APBA1: variants seen among roughly 807,000 people sequenced by gnomAD.
APBA1 encodes the protein amyloid beta precursor protein binding family A member 1, also known as amyloid-beta A4 precursor protein-binding family A member 1.
Under a neutral mutation model 86.6 loss-of-function variants are expected in APBA1, and 55 were observed. That is an observed-to-expected ratio of 0.64 (90% CI 0.51 to 0.80). The LOEUF is 0.80. Ranked by LOEUF, APBA1 falls within the 30% of genes least tolerant of loss-of-function variation. APBA1 has a pLI of 0.00. For synonymous variants in APBA1, 511 were observed against 493.9 expected (o/e 1.03, Z -0.46); for missense variants, 1,090 against 1,183.0 (o/e 0.92, Z 1.15).
chr9:69,523,875 T>C lies in APBA1; in HGVS notation c.-69-6596A>G, dbSNP rs914811775. On this transcript the variant is annotated intron_variant, in intron 1 of 12. Coordinates refer to ENST00000265381, the MANE Select transcript of APBA1 (RefSeq NM_001163.4). ...TTCAAAAAAATCAAAATTAAAATCA[T>C]ACCAGCCATATTCTTGGATCACAAT... Among the ~76,000 whole-genome samples the C allele has an allele frequency of 7.2e-5, 11 of 152,074 alleles. No individual in the cohort carries two copies. In the South Asian group the frequency reaches 2.3e-3, roughly 32 times the overall value.
intron 2 of APBA1, among the ~76,000 whole-genome samples, chr9:69,488,088 CG>C (rs1274916038): frequency 1.3e-4 from 19 of 151,998 alleles, no homozygotes; most frequent in African/African-American, 4.6e-4. Flanking sequence ...GAGAAACTGG[CG>C]GGGTTGCACT....
rs564579756 is a variant in APBA1, at chr9:69,608,779, T to C, written c.-70+63374A>G. 3.3e-5 allele frequency among the ~76,000 whole-genome samples: 5 copies of C among 152,316 alleles called. No homozygotes were observed. The South Asian group carries it at 1.0e-3, about 32-fold the overall frequency. Reference sequence around the variant, plus strand: ...GAAGTTGGTTTTGGTCACATTCCTATCAAGTACACTTTCCCAACTTTGAGC... The same window carrying C: ...GAAGTTGGTTTTGGTCACATTCCTACCAAGTACACTTTCCCAACTTTGAGC... On this transcript the variant is annotated intron_variant, in intron 1 of 12. Coordinates refer to ENST00000265381, the MANE Select transcript of APBA1 (RefSeq NM_001163.4).
chr9:69,482,281 AAAC>A (rs1391931851), intron 2 of APBA1, among the ~76,000 whole-genome samples: 3 of 151,582 alleles, frequency 2.0e-5, no homozygotes, highest in South Asian at 2.1e-4. Context: ...TACAAGAAAA[AAAC>A]AAACAACCTC....
intron 1 of APBA1, among the ~76,000 whole-genome samples, chr9:69,534,156 A>G (rs1212162664): frequency 6.6e-6 from 1 of 152,222 alleles, no homozygotes; most frequent in African/African-American, 2.4e-5. Context: ...TGAATTTCCA[A>G]TGTTCAGCAT....
chr9:69,653,625 C>A (rs1823551655), intron 1 of APBA1, among the ~76,000 whole-genome samples: 1 of 151,974 alleles, frequency 6.6e-6, no homozygotes. Context: ...CACAATGGAA[C>A]AAAACTAGAA....
At chr9:69,558,590 TA>T (rs1336075175) in intron 1 of APBA1, among the ~76,000 whole-genome samples, 13 of 151,040 alleles carry the variant, frequency 8.6e-5, no homozygotes, top group African/African-American at 2.9e-4. Flanking sequence ...ATACACATTA[TA>T]TGTATAACTT....
chr9:69,442,967 A>G (rs1413582021), intron 10 of APBA1, among the ~76,000 whole-genome samples: 4 of 152,234 alleles, frequency 2.6e-5, no homozygotes, highest in African/African-American at 9.6e-5. Flanking sequence ...CAGAATCTGT[A>G]GCAAGAGTGC....
chr9:69,467,117 G>T (rs781667537), intron 5 of APBA1, among the ~76,000 whole-genome samples: 1 of 152,190 alleles, frequency 6.6e-6, no homozygotes, highest in African/African-American at 2.4e-5. Context: ...TTTTGGTATC[G>T]TGGTGGAGAT....
chr9:69,427,624 C>T lies in APBA1; in HGVS notation c.*3703G>A, dbSNP rs1245980131. On this transcript the variant is annotated 3_prime_UTR_variant, in exon 13 of 13. Coordinates refer to ENST00000265381, the MANE Select transcript of APBA1 (RefSeq NM_001163.4). Reference sequence around the variant, plus strand: ...AGGAAGATAGATAGCACAGTAAATACATCACAACCCCAAACTGGATGACTG... The same window carrying T: ...AGGAAGATAGATAGCACAGTAAATATATCACAACCCCAAACTGGATGACTG... 1.4e-5 allele frequency: 2 copies of T among 147,718 alleles called. No homozygotes were observed. The highest frequency in any genetic ancestry group is 1.5e-5 in the Non-Finnish European group (1 of 66,584). The allele number at this position is 147,718 out of a possible 1,614,324, so 9.2% of individuals were successfully genotyped here. A position where few individuals can be genotyped will look rare whatever the true frequency, so the allele number is the denominator to read the frequency against.
intron 2 of APBA1, among the ~76,000 whole-genome samples, chr9:69,515,448 G>C (rs1836120768): frequency 6.6e-6 from 1 of 151,822 alleles, no homozygotes; most frequent in African/African-American, 2.4e-5. Context: ...TTTCTACTTG[G>C]CTACTCCTCC....
At chr9:69,658,943 C>G (rs1488958994) in intron 1 of APBA1, among the ~76,000 whole-genome samples, 1 of 152,170 alleles carries the variant, frequency 6.6e-6, no homozygotes, top group African/African-American at 2.4e-5. Flanking sequence ...CAGAGCTCCC[C>G]CACCCCACAC....
At chr9:69,558,787 G>C (rs1025773839) in intron 1 of APBA1, among the ~76,000 whole-genome samples, 2 of 151,930 alleles carry the variant, frequency 1.3e-5, no homozygotes, top group African/African-American at 4.8e-5. Context: ...GCATCCATGA[G>C]TTCTCATCAT....
chr9:69,522,943 C>A (rs558499257), intron 1 of APBA1, among the ~76,000 whole-genome samples: 14 of 152,250 alleles, frequency 9.2e-5, no homozygotes, highest in Middle Eastern at 3.4e-3. Flanking sequence ...GGGACACCTG[C>A]AAAACATGAA....
chr9:69,536,730 A>T (rs909916907), intron 1 of APBA1, among the ~76,000 whole-genome samples: 2 of 147,554 alleles, frequency 1.4e-5, no homozygotes, highest in African/African-American at 5.0e-5. Context: ...AAAAAAAAAA[A>T]TTAGACAGGC....
chr9:69,523,517 A>ATATG (rs1454441404), intron 1 of APBA1, among the ~76,000 whole-genome samples: 1 of 60,196 alleles, frequency 1.7e-5, no homozygotes, highest in Non-Finnish European at 4.0e-5. Context: ...ATATATATAT[A>ATATG]TATATATATA....
At chr9:69,450,620 T>G (rs938549644) in intron 9 of APBA1, among the ~76,000 whole-genome samples, 1 of 152,138 alleles carries the variant, frequency 6.6e-6, no homozygotes, top group Non-Finnish European at 1.5e-5. Context: ...GGAGACACAT[T>G]CTGTTAAGGT....
At chr9:69,596,951 C>A (rs1226250919) in intron 1 of APBA1, among the ~76,000 whole-genome samples, 2 of 152,140 alleles carry the variant, frequency 1.3e-5, no homozygotes, top group Non-Finnish European at 2.9e-5. Context: ...TGCAGCAGCT[C>A]CCAGCCATTT....
At chr9:69,487,397 A>ACC (rs1835629466) in intron 2 of APBA1, among the ~76,000 whole-genome samples, 1 of 152,118 alleles carries the variant, frequency 6.6e-6, no homozygotes, top group African/African-American at 2.4e-5. Flanking sequence ...AACAGTGGTC[A>ACC]CTGTCTCAGT....
rs147754793 is a variant in APBA1, at chr9:69,434,694, G to A, written c.2302-2018C>T. Among the ~76,000 whole-genome samples, 667 of 147,520 alleles carry A rather than the reference G, an allele frequency of 4.5e-3. 4 individuals are homozygous for A. Among genetic ancestry groups the A allele is most frequent in the African/African-American group, 0.012 (469 of 39,122 alleles). On this transcript the variant is annotated intron_variant, in intron 11 of 12. Transcript: ENST00000265381. ...TGTACTCCATCTTGGATGACAGAGCGAGACTCCATCTCAATTTAAAAAAAA... is the reference window on the plus strand; with the variant it reads ...TGTACTCCATCTTGGATGACAGAGCAAGACTCCATCTCAATTTAAAAAAAA...
Sources: allele counts gnomAD v4.1 joint callset (sites outside exome capture counted in the v4.1 genomes callset), GRCh38; gene constraint gnomAD v4.1.1; transcripts MANE v1.5; gene names NCBI Gene and HGNC (gene_info 2026-07-23, HGNC 2026-07-21).